ROBO2: variants seen among roughly 807,000 people sequenced by gnomAD.
The protein encoded by ROBO2 is roundabout homolog 2.
ROBO2 carries 53 observed loss-of-function variants against 160.8 expected under a neutral mutation model. The observed-to-expected ratio is 0.33, with a 90% CI of 0.26 to 0.41. ROBO2 has a LOEUF of 0.41. Ranked by LOEUF, ROBO2 falls within the 10% of genes least tolerant of loss-of-function variation. The pLI is 1.00. For synonymous variants in ROBO2, 664 were observed against 611.7 expected, an observed-to-expected ratio of 1.09 and a Z score of -1.26; for missense variants, 1,577 against 1,722.4, an observed-to-expected ratio of 0.92 and a Z score of 1.49.
At position 76,906,189 on chromosome 3, in the gene ROBO2, T is replaced by C. The variant is rs140221886; in HGVS notation, c.110-191825T>C. Among the ~76,000 whole-genome samples, 986 of 152,162 alleles carry C rather than the reference T, an allele frequency of 6.5e-3. 8 individuals carry two copies. Among genetic ancestry groups the C allele is most frequent in the African/African-American group, 0.022 (908 of 41,550 alleles). ...AAAACTGACATTCATAAAATTATTATTACTTAACACCAGAAATAAACTTTT... is the reference window on the plus strand; with the variant it reads ...AAAACTGACATTCATAAAATTATTACTACTTAACACCAGAAATAAACTTTT... On this transcript the variant is annotated intron_variant, in intron 2 of 26. Coordinates refer to the ROBO2 transcript ENST00000487694.
intron 2 of ROBO2, among the ~76,000 whole-genome samples, chr3:76,287,897 T>A (rs1030430281): frequency 1.6e-5 from 2 of 123,754 alleles, no homozygotes; most frequent in Admixed American, 1.9e-4. Flanking sequence ...TTATATACTT[T>A]CTAAAGCAAG....
chr3:76,018,505 C>G (rs72890371), intron 2 of ROBO2, among the ~76,000 whole-genome samples: 7,665 of 151,360 alleles, frequency 0.051, 607 homozygotes, highest in African/African-American at 0.17. Flanking sequence ...TATTTTTTCC[C>G]TAATATCTTA....
At chr3:76,550,605 A>T (rs1017445756) in intron 2 of ROBO2, among the ~76,000 whole-genome samples, 2 of 152,128 alleles carry the variant, frequency 1.3e-5, no homozygotes, top group Non-Finnish European at 2.9e-5. Context: ...GCAACTGTCC[A>T]GCCACAGCTC....
chr3:77,343,183 T>C (rs1047707946), intron 2 of ROBO2, among the ~76,000 whole-genome samples: 1 of 152,066 alleles, frequency 6.6e-6, no homozygotes, highest in African/African-American at 2.4e-5. Context: ...TACAGTCACA[T>C]TGGGGGTTAG....
intron 2 of ROBO2, among the ~76,000 whole-genome samples, chr3:76,074,948 A>G (rs1055824632): frequency 6.6e-6 from 1 of 152,160 alleles, no homozygotes; most frequent in African/African-American, 2.4e-5. Flanking sequence ...AATATGTGAC[A>G]ATAGGGTTTT....
At chr3:76,515,211 A>G (rs2081290788) in intron 2 of ROBO2, among the ~76,000 whole-genome samples, 1 of 152,140 alleles carries the variant, frequency 6.6e-6, no homozygotes, top group Non-Finnish European at 1.5e-5. Flanking sequence ...CCAATTTTAA[A>G]GTGAGTTTCT....
intron 2 of ROBO2, among the ~76,000 whole-genome samples, chr3:76,489,154 G>GTT (rs367830368): frequency 0.11 from 11,974 of 113,424 alleles, 638 homozygotes; most frequent in Middle Eastern, 0.18. Flanking sequence ...TCTTTTTTTT[G>GTT]TTTTTTTTTT....
intron 2 of ROBO2, among the ~76,000 whole-genome samples, chr3:76,683,128 G>T (rs1438404821): frequency 6.6e-6 from 1 of 152,038 alleles, no homozygotes; most frequent in Non-Finnish European, 1.5e-5. Flanking sequence ...CAAGGAAAAG[G>T]AGCAACAGAG....
intron 2 of ROBO2, among the ~76,000 whole-genome samples, chr3:76,275,801 T>G (rs1707883429): frequency 6.6e-6 from 1 of 152,174 alleles, no homozygotes; most frequent in South Asian, 2.1e-4. Flanking sequence ...TTAGAAATGG[T>G]TTTTACCTAA....
intron 2 of ROBO2, among the ~76,000 whole-genome samples, chr3:76,166,079 A>G (rs894264793): frequency 2.0e-5 from 3 of 152,164 alleles, no homozygotes; most frequent in Non-Finnish European, 2.9e-5. Context: ...AAATGTGGCA[A>G]GAGACACAAA....
In ROBO2 at chr3:76,220,085, C is replaced by G. The variant is rs185120147; in HGVS notation, c.109+282483C>G. 3.1e-3 allele frequency among the ~76,000 whole-genome samples: 471 copies of G among 151,096 alleles called. 6 individuals are homozygous for G. The highest frequency in any genetic ancestry group is 2.6e-3 in the Non-Finnish European group (179 of 67,872). Reference sequence around the variant, plus strand: ...AGCAAACTATGGCAAGGACAAAAAACCAAACACCGCATGTTCTCACTCATA... The same window carrying G: ...AGCAAACTATGGCAAGGACAAAAAAGCAAACACCGCATGTTCTCACTCATA... On this transcript the variant is annotated intron_variant, in intron 2 of 26. Transcript: ENST00000487694.
At chr3:77,267,809 CT>C (rs1334640671) in intron 2 of ROBO2, among the ~76,000 whole-genome samples, 1 of 152,120 alleles carries the variant, frequency 6.6e-6, no homozygotes, top group Non-Finnish European at 1.5e-5. Flanking sequence ...CCTCCGCTCT[CT>C]TCCTCTCTCT....
intron 2 of ROBO2, among the ~76,000 whole-genome samples, chr3:75,981,661 TA>T (rs1417759105): frequency 1.3e-5 from 2 of 151,328 alleles, no homozygotes; most frequent in African/African-American, 4.8e-5. Flanking sequence ...TAGGTGTGTA[TA>T]TTTATGGGGC....
intron 2 of ROBO2, among the ~76,000 whole-genome samples, chr3:76,138,400 CT>C (rs770919135): frequency 7.9e-5 from 12 of 151,898 alleles, no homozygotes; most frequent in Non-Finnish European, 1.5e-4. Context: ...AATGCACATG[CT>C]TTTTGCTCAC....
intron 2 of ROBO2, among the ~76,000 whole-genome samples, chr3:77,461,615 A>G (rs1226085334): frequency 1.3e-5 from 2 of 151,940 alleles, no homozygotes; most frequent in Non-Finnish European, 2.9e-5. Flanking sequence ...TATCAAAGAA[A>G]ATAATATTTT....
chr3:77,380,478 A>G (rs1380677058), intron 2 of ROBO2, among the ~76,000 whole-genome samples: 2 of 152,222 alleles, frequency 1.3e-5, no homozygotes, highest in African/African-American at 2.4e-5. Flanking sequence ...GAAATTATGC[A>G]AAGAGAAATA....
chr3:75,918,578 A>G (rs541234897), intron 1 of ROBO2, among the ~76,000 whole-genome samples: 50 of 152,200 alleles, frequency 3.3e-4, no homozygotes, highest in Non-Finnish European at 5.9e-4. Context: ...AAGAAAGTCA[A>G]TGGTAGCTTG....
chr3:77,035,706 A>G (rs1382617437), upstream of ROBO2, among the ~76,000 whole-genome samples: 1 of 151,892 alleles, frequency 6.6e-6, no homozygotes, highest in African/African-American at 2.4e-5. Flanking sequence ...GAAGAACAAT[A>G]TTCATTTTAT....
At chr3:76,634,562 C>T (rs992414632) in intron 2 of ROBO2, among the ~76,000 whole-genome samples, 13 of 132,090 alleles carry the variant, frequency 9.8e-5, no homozygotes, top group Admixed American at 2.3e-4. Flanking sequence ...AGTGAGACTT[C>T]GTCTCAAAGA....
Sources: allele counts gnomAD v4.1 joint callset (sites outside exome capture counted in the v4.1 genomes callset), GRCh38; gene constraint gnomAD v4.1.1; transcripts MANE v1.5; gene names NCBI Gene and HGNC (gene_info 2026-07-23, HGNC 2026-07-21).